Variants in DGLUCY observed in about 807,000 individuals in gnomAD.
DGLUCY encodes D-glutamate cyclase, mitochondrial.
DGLUCY carries 58 observed loss-of-function variants against 58.5 expected under a neutral mutation model. The ratio of observed to expected loss-of-function variants is 0.99; its 90% CI spans 0.80 to 1.23. The LOEUF is 1.23. Ranked by LOEUF, DGLUCY falls within the 50% of genes most tolerant of loss-of-function variation. The probability of loss-of-function intolerance (pLI) is 0.00; values close to 1 mark genes in which losing one functional copy is unlikely to be tolerated. For missense variants in DGLUCY, 779 were observed against 784.7 expected (o/e 0.99, Z 0.09); for synonymous variants, 325 against 314.1 (o/e 1.03, Z -0.37).
intron 1 of DGLUCY, among the ~76,000 whole-genome samples, chr14:91,157,111 A>G (rs796440299): frequency 0.019 from 2,458 of 130,924 alleles, 27 homozygotes; most frequent in Middle Eastern, 0.027. Context: ...GGATGGATGG[A>G]TGGATGGGTG....
intron 13 of DGLUCY, among the ~76,000 whole-genome samples, chr14:91,221,712 C>G (rs1358454561): frequency 6.6e-6 from 1 of 152,102 alleles, no homozygotes; most frequent in Non-Finnish European, 1.5e-5. Context: ...CATTCTCTTT[C>G]AGCACTTTCA....
chr14:91,141,428 GTGCCAAACAC>G (rs559503936), intron 1 of DGLUCY, among the ~76,000 whole-genome samples: 48 of 151,430 alleles, frequency 3.2e-4, no homozygotes, highest in African/African-American at 1.1e-3. Context: ...CATTTACTAT[GTGCCAAACAC>G]TGCTAAACAA....
intron 12 of DGLUCY, among the ~76,000 whole-genome samples, chr14:91,206,386 T>C (rs1399441367): frequency 6.6e-6 from 1 of 152,024 alleles, no homozygotes; most frequent in Admixed American, 6.6e-5. Context: ...ACAGTTTCTT[T>C]TTTTTTTCTT....
At chr14:91,099,821 A>G (rs2044455413) in intron 1 of DGLUCY, among the ~76,000 whole-genome samples, 1 of 152,158 alleles carries the variant, frequency 6.6e-6, no homozygotes, top group Non-Finnish European at 1.5e-5. Context: ...CACCTTGGGC[A>G]AGTTGCTACC....
intron 1 of DGLUCY, among the ~76,000 whole-genome samples, chr14:91,139,535 A>G (rs2046530955): frequency 6.6e-6 from 1 of 152,096 alleles, no homozygotes. Context: ...AAATACAAAA[A>G]TGAGCTGGAT....
At chr14:91,212,023 G>C (rs960760520) in intron 12 of DGLUCY, among the ~76,000 whole-genome samples, 1 of 152,066 alleles carries the variant, frequency 6.6e-6, no homozygotes, top group Non-Finnish European at 1.5e-5. Context: ...CACTGGTCTC[G>C]AACTCCTGAC....
chr14:91,194,689 C>T (rs1447673369), intron 9 of DGLUCY, among the ~76,000 whole-genome samples: 1 of 151,888 alleles, frequency 6.6e-6, no homozygotes, highest in Non-Finnish European at 1.5e-5. Context: ...TACAGGCGCC[C>T]GCCACCACGC....
At chr14:91,173,152 A>T in intron 5 of DGLUCY, 137 bp from the exon 6 acceptor site, 1 of 964,546 alleles carries the variant, frequency 1.0e-6, no homozygotes, top group South Asian at 1.6e-5. Context: ...TCTATGTCAC[A>T]TAAAAATAGA....
chr14:91,159,423 G>A (rs1227674617), intron 2 of DGLUCY, among the ~76,000 whole-genome samples: 1 of 152,110 alleles, frequency 6.6e-6, no homozygotes, highest in Non-Finnish European at 1.5e-5. Context: ...CTCCAGCCTG[G>A]GAGACAGAGT....
intron 9 of DGLUCY, 77 bp downstream of exon 9, chr14:91,189,247 A>G (rs1050732496): frequency 6.4e-7 from 1 of 1,552,188 alleles, no homozygotes; most frequent in East Asian, 2.2e-5. Flanking sequence ...CAGCATCTGC[A>G]GTACAGAGCA....
chr14:91,198,367 C>T (rs1345590500), intron 10 of DGLUCY, among the ~76,000 whole-genome samples: 4 of 148,442 alleles, frequency 2.7e-5, no homozygotes, highest in African/African-American at 7.5e-5. Context: ...CCCCTTGAGA[C>T]GGGGTCTCAC....
intron 7 of DGLUCY, 86 bp from the exon 8 acceptor site, chr14:91,181,100 A>G: frequency 2.3e-6 from 3 of 1,312,124 alleles, no homozygotes; most frequent in African/African-American, 2.9e-5. Context: ...GCCAGGTGCC[A>G]TCTTGCCTAT....
At chr14:91,075,955 A>G (rs1004951351) in intron 1 of DGLUCY, among the ~76,000 whole-genome samples, 1 of 152,190 alleles carries the variant, frequency 6.6e-6, no homozygotes, top group South Asian at 2.1e-4. Flanking sequence ...TCTACTACAA[A>G]TACAAAAATT....
At chr14:91,200,943 A>T (rs558079284) in intron 11 of DGLUCY, among the ~76,000 whole-genome samples, 1 of 148,468 alleles carries the variant, frequency 6.7e-6, no homozygotes, top group South Asian at 2.1e-4. Flanking sequence ...GATCTCACAA[A>T]GTACATTCTC....
At chr14:91,212,364 G>T (rs1361494616) in intron 12 of DGLUCY, among the ~76,000 whole-genome samples, 1 of 151,946 alleles carries the variant, frequency 6.6e-6, no homozygotes, top group Non-Finnish European at 1.5e-5. Flanking sequence ...TAAAATATTA[G>T]CTGGGCTTAG....
chr14:91,060,442 T>C, exon 1 of DGLUCY: 1 of 1,447,954 alleles, frequency 6.9e-7, no homozygotes. Flanking sequence ...CATCTTCTCC[T>C]TTTTTTCCGA....
chr14:91,108,516 TGTGTGTGTGTGAGAGA>T (rs1441819867), intron 1 of DGLUCY, among the ~76,000 whole-genome samples: 2 of 89,954 alleles, frequency 2.2e-5, no homozygotes, highest in African/African-American at 7.6e-5. Flanking sequence ...TGTGTGTGTG[TGTGTGTGTGTGAGAGA>T]GAGAGAGAGA....
intron 11 of DGLUCY, 94 bp from the exon 12 acceptor site, chr14:91,204,612 C>T (rs2140629219): frequency 1.3e-6 from 2 of 1,512,864 alleles, no homozygotes; most frequent in African/African-American, 1.4e-5. Context: ...TTTTGCCCTC[C>T]CAAAGGCAAC....
At chr14:91,194,233 G>T (rs905067089) in intron 9 of DGLUCY, among the ~76,000 whole-genome samples, 1 of 152,146 alleles carries the variant, frequency 6.6e-6, no homozygotes, top group Admixed American at 6.5e-5. Flanking sequence ...TGTAGAGGAG[G>T]TAACCAATGG....
Sources: allele counts gnomAD v4.1 joint callset (sites outside exome capture counted in the v4.1 genomes callset), GRCh38; gene constraint gnomAD v4.1.1; transcripts MANE v1.5; gene names NCBI Gene and HGNC (gene_info 2026-07-23, HGNC 2026-07-21).